Variants in STK3 observed in about 807,000 individuals in gnomAD.
STK3 encodes serine/threonine-protein kinase 3.
A neutral mutation model predicts 58.0 loss-of-function variants in STK3; 41 were observed. The ratio of observed to expected loss-of-function variants is 0.71; its 90% CI spans 0.55 to 0.92. The LOEUF (loss-of-function observed/expected upper bound fraction) is 0.92, where lower values mean the gene tolerates loss of function less well. STK3 is among the 40% of genes least tolerant of loss of function. The probability of loss-of-function intolerance (pLI) is 0.00; values close to 1 mark genes in which losing one functional copy is unlikely to be tolerated. For synonymous variants in STK3, 170 were observed against 191.0 expected, an observed-to-expected ratio of 0.89 and a Z score of 0.91; for missense variants, 479 against 602.7, an observed-to-expected ratio of 0.79 and a Z score of 2.15.
chr8:98,594,457 AGGCAT>A (rs1414304790), intron 7 of STK3, among the ~76,000 whole-genome samples: 1 of 151,874 alleles, frequency 6.6e-6, no homozygotes, highest in Non-Finnish European at 1.5e-5. Flanking sequence ...AAAATTAGCC[AGGCAT>A]GGTGGCACAC....
chr8:98,660,854 C>T (rs1323552955), intron 6 of STK3, among the ~76,000 whole-genome samples: 1 of 152,038 alleles, frequency 6.6e-6, no homozygotes. Flanking sequence ...GCCTCTGCTA[C>T]CTGGGACTTC....
At chr8:98,381,524 T>C (rs1425815844) in intron 1 of STK3, among the ~76,000 whole-genome samples, 1 of 152,192 alleles carries the variant, frequency 6.6e-6, no homozygotes, top group Non-Finnish European at 1.5e-5. Context: ...GCAGATTAAT[T>C]CTAGTCCGCA....
chr8:98,905,570 A>T (rs1425529604), intron 1 of STK3: 2 of 1,093,780 alleles, frequency 1.8e-6, no homozygotes, highest in Non-Finnish European at 2.8e-6. Context: ...CGTAGTTCTT[A>T]ATGATGTCAC....
chr8:98,693,049 A>T (rs952582888), intron 6 of STK3, among the ~76,000 whole-genome samples: 4 of 152,146 alleles, frequency 2.6e-5, no homozygotes, highest in African/African-American at 9.7e-5. Flanking sequence ...AAATCCAATG[A>T]CAAGTGCCCT....
At chr8:98,919,389 T>C (rs1839466557) in intron 1 of STK3, among the ~76,000 whole-genome samples, 1 of 151,896 alleles carries the variant, frequency 6.6e-6, no homozygotes, top group African/African-American at 2.4e-5. Flanking sequence ...AGTTCAGAGA[T>C]AGGACACAAA....
At chr8:98,663,463 T>C (rs561301098) in intron 6 of STK3, among the ~76,000 whole-genome samples, 3 of 152,170 alleles carry the variant, frequency 2.0e-5, no homozygotes, top group South Asian at 4.1e-4. Flanking sequence ...GTCAGTGTGG[T>C]GATTCCTCAG....
At chr8:98,615,009 G>T (rs1321211267) in intron 6 of STK3, among the ~76,000 whole-genome samples, 1 of 152,136 alleles carries the variant, frequency 6.6e-6, no homozygotes, top group Non-Finnish European at 1.5e-5. Context: ...CTAGGGGCAG[G>T]GCACAGACAA....
intron 9 of STK3, among the ~76,000 whole-genome samples, chr8:98,527,471 T>A (rs1825835200): frequency 2.0e-5 from 3 of 151,898 alleles, no homozygotes; most frequent in Non-Finnish European, 4.4e-5. Flanking sequence ...ATACAAAAAA[T>A]TAGCCAGGTG....
chr8:98,941,251 T>G (rs1402960867), intron 1 of STK3, among the ~76,000 whole-genome samples: 2 of 152,252 alleles, frequency 1.3e-5, no homozygotes, highest in Non-Finnish European at 2.9e-5. Context: ...CCTTTTGCCC[T>G]TGTCTCCGCA....
chr8:98,757,422 T>C (rs938726653), intron 3 of STK3, among the ~76,000 whole-genome samples: 2 of 150,318 alleles, frequency 1.3e-5, no homozygotes, highest in Non-Finnish European at 3.0e-5. Flanking sequence ...GGTGAAACCC[T>C]GTCTCTACTA....
At chr8:98,875,290 A>T (rs1837527705) in intron 3 of STK3, 2 of 152,206 alleles carry the variant, frequency 1.3e-5, no homozygotes, top group African/African-American at 2.4e-5. Context: ...CATAGAAGAC[A>T]TTCAGGTATC....
chr8:98,424,492 C>A (rs1242440592), intron 3 of STK3, among the ~76,000 whole-genome samples: 1 of 152,122 alleles, frequency 6.6e-6, no homozygotes, highest in Non-Finnish European at 1.5e-5. Context: ...AAGGAGTGGC[C>A]TCTGTTAGAG....
intron 1 of STK3, among the ~76,000 whole-genome samples, chr8:98,775,173 T>A (rs567068860): frequency 1.0e-3 from 155 of 152,318 alleles, no homozygotes; most frequent in Non-Finnish European, 1.8e-3. Flanking sequence ...GTTAGAGATC[T>A]TTCCATACAG....
chr8:98,844,101 G>C (rs1008499857), intron 3 of STK3, among the ~76,000 whole-genome samples: 1 of 152,188 alleles, frequency 6.6e-6, no homozygotes, highest in Non-Finnish European at 1.5e-5. Context: ...GGCTATGGTT[G>C]TGCCACTGCA....
chr8:98,814,043 C>CGAAT (rs1564026665), intron 1 of STK3, among the ~76,000 whole-genome samples: 2 of 152,074 alleles, frequency 1.3e-5, no homozygotes, highest in East Asian at 3.9e-4. Context: ...GCAACTGAAT[C>CGAAT]TTTAATTGAT....
rs1827768694 is a variant in STK3 at position 98,725,991 on chromosome 8, C to T, written c.352-18680G>A. 3.3e-5 allele frequency among the ~76,000 whole-genome samples: 5 copies of T among 152,176 alleles called. No individual in the cohort carries two copies. The South Asian group carries it at 1.0e-3, about 32-fold the overall frequency. The stretch of plus-strand genomic sequence containing the variant: ...AGCACTGAAGCTTGGTCTTCCTGCT[C>T]CACATCCAAAGGGCTTTCCACTAAA... On this transcript the variant is annotated intron_variant, in intron 4 of 10. Transcript: ENST00000419617.
chr8:98,795,248 C>A (rs190066176), intron 1 of STK3, among the ~76,000 whole-genome samples: 25 of 149,206 alleles, frequency 1.7e-4, no homozygotes, highest in African/African-American at 4.7e-4. Flanking sequence ...ATGTGATCCA[C>A]CACATAAACA....
At chr8:98,814,780 G>A (rs544015977) in intron 1 of STK3, among the ~76,000 whole-genome samples, 13 of 152,268 alleles carry the variant, frequency 8.5e-5, no homozygotes, top group Middle Eastern at 3.4e-3. Flanking sequence ...AACGTCCCAG[G>A]CTCAGGTGAT....
intron 7 of STK3, among the ~76,000 whole-genome samples, chr8:98,581,421 G>T (rs1313403362): frequency 6.6e-6 from 1 of 152,080 alleles, no homozygotes; most frequent in East Asian, 1.9e-4. Context: ...ACTTAGGGAG[G>T]GAATACTTTC....
Sources: allele counts gnomAD v4.1 joint callset (sites outside exome capture counted in the v4.1 genomes callset), GRCh38; gene constraint gnomAD v4.1.1; transcripts MANE v1.5; gene names NCBI Gene and HGNC (gene_info 2026-07-23, HGNC 2026-07-21).